Variants in MYO16 observed in about 807,000 individuals in gnomAD.
MYO16 encodes the protein unconventional myosin-XVI.
A neutral mutation model predicts 205.3 loss-of-function variants in MYO16; 94 were observed. That is an observed-to-expected ratio of 0.46 (90% CI 0.39 to 0.54). The LOEUF (loss-of-function observed/expected upper bound fraction) is 0.54, where lower values mean the gene tolerates loss of function less well. MYO16 is among the 20% of genes least tolerant of loss of function. MYO16 has a pLI of 0.00. For missense variants in MYO16, 2,315 were observed against 2,387.5 expected (o/e 0.97, Z 0.63); for synonymous variants, 988 against 954.0 (o/e 1.04, Z -0.66).
chr13:108,908,741 A>T (rs1733990932), intron 15 of MYO16, among the ~76,000 whole-genome samples: 1 of 152,050 alleles, frequency 6.6e-6, no homozygotes, highest in African/African-American at 2.4e-5. Flanking sequence ...TGGGAGGCCG[A>T]GGTGGGCAGA....
intron 18 of MYO16, among the ~76,000 whole-genome samples, chr13:108,962,016 A>G (rs1379695697): frequency 6.6e-6 from 1 of 152,216 alleles, no homozygotes; most frequent in Non-Finnish European, 1.5e-5. Flanking sequence ...TTCCCTTTCA[A>G]AGATCTTGCC....
rs562256644 is a variant in MYO16, at chr13:108,992,283, A to C, written c.2370-93A>C. 5.0e-6 allele frequency: 4 copies of C among 804,370 alleles called. No homozygotes were observed. The East Asian group carries it at 1.1e-4, about 22-fold the overall frequency. 49.8% of individuals were successfully genotyped at this position (804,370 alleles called of 1,614,324 possible). On this transcript the variant is annotated intron_variant, in intron 20 of 34. Transcript: ENST00000457511. ...AGTCCAAATTGGCAGCAATGTGCTA[A>C]GTGGCTGGATTCTTCTGACCTGAAT...
At chr13:108,858,989 C>T (rs532781400) in intron 11 of MYO16, among the ~76,000 whole-genome samples, 2 of 152,278 alleles carry the variant, frequency 1.3e-5, no homozygotes, top group South Asian at 4.1e-4. Context: ...TCCTCCCTCC[C>T]TTCAGGTCTT....
At chr13:108,678,749 G>A (rs1010191749) in intron 2 of MYO16, among the ~76,000 whole-genome samples, 6 of 152,054 alleles carry the variant, frequency 3.9e-5, no homozygotes, top group African/African-American at 1.2e-4. Flanking sequence ...AGTCTCCCAT[G>A]CAGGTTACTC....
intron 23 of MYO16, among the ~76,000 whole-genome samples, chr13:109,045,847 C>T (rs1566479044): frequency 6.6e-6 from 1 of 152,250 alleles, no homozygotes; most frequent in East Asian, 1.9e-4. Flanking sequence ...ATCCAGTCCT[C>T]TCTGGGCTCT....
intron 3 of MYO16, among the ~76,000 whole-genome samples, chr13:108,717,977 AATTTAATAATTTGGCT>A (rs1245114584): frequency 6.6e-6 from 1 of 152,196 alleles, no homozygotes; most frequent in African/African-American, 2.4e-5. Flanking sequence ...AATTTTGAAT[AATTTAATAATTTGGCT>A]ACTCAAACAA....
At chr13:109,087,447 A>G (rs2139682142) in intron 27 of MYO16, among the ~76,000 whole-genome samples, 1 of 152,346 alleles carries the variant, frequency 6.6e-6, no homozygotes, top group African/African-American at 2.4e-5. Flanking sequence ...GGAGTTTGAG[A>G]CCAGCCTGGC....
chr13:109,182,224 C>T (rs993197270), intron 34 of MYO16, among the ~76,000 whole-genome samples: 13 of 152,130 alleles, frequency 8.5e-5, no homozygotes, highest in African/African-American at 9.7e-5. Flanking sequence ...ATTTCAGTTT[C>T]GCACCTACCA....
chr13:109,051,620 T>A (rs1169436537), intron 24 of MYO16, among the ~76,000 whole-genome samples: 1 of 152,170 alleles, frequency 6.6e-6, no homozygotes, highest in East Asian at 1.9e-4. Context: ...CAAAATCCAC[T>A]CAACTGAGCT....
intron 3 of MYO16, among the ~76,000 whole-genome samples, chr13:108,718,189 T>G (rs1884023024): frequency 6.6e-6 from 1 of 152,134 alleles, no homozygotes; most frequent in South Asian, 2.1e-4. Flanking sequence ...ATCAGGATTC[T>G]AGAGAAAATG....
intron 2 of MYO16, among the ~76,000 whole-genome samples, 169 bp downstream of exon 2, chr13:108,666,318 A>G (rs1881728075): frequency 6.6e-6 from 1 of 152,188 alleles, no homozygotes; most frequent in Non-Finnish European, 1.5e-5. Context: ...GCTCTTTGCA[A>G]AGAACATCAT....
chr13:108,661,844 G>A (rs1881516540), intron 1 of MYO16, among the ~76,000 whole-genome samples: 1 of 151,942 alleles, frequency 6.6e-6, no homozygotes, highest in Non-Finnish European at 1.5e-5. Flanking sequence ...TGATTTTTTT[G>A]GGATGTTGAA....
chr13:109,008,258 G>A (rs866430772), intron 21 of MYO16, among the ~76,000 whole-genome samples: 28 of 152,320 alleles, frequency 1.8e-4, no homozygotes, highest in African/African-American at 6.5e-4. Context: ...CTGAAACTGT[G>A]TCATTGAACA....
intron 2 of MYO16, among the ~76,000 whole-genome samples, chr13:108,690,934 A>G (rs935823114): frequency 1.3e-5 from 2 of 152,160 alleles, no homozygotes; most frequent in African/African-American, 2.4e-5. Flanking sequence ...ATTGCTAAGG[A>G]TCATACCTAA....
intron 25 of MYO16, 108 bp downstream of exon 25, chr13:109,052,583 T>G: frequency 1.2e-6 from 1 of 827,932 alleles, no homozygotes; most frequent in Non-Finnish European, 1.8e-6. Flanking sequence ...AAATAGATAT[T>G]CTAATAGAAA....
chr13:109,055,343 C>G lies in MYO16; in HGVS notation c.3130-47C>G. On this transcript the variant is annotated intron_variant, in intron 26 of 34. Coordinates refer to ENST00000457511, the MANE Select transcript of MYO16 (RefSeq NM_001198950.3). This position sits in a 1 kb window ranked among gnomAD's most constrained non-coding sequence, Gnocchi z 5.0. ...TTTAAAAACTGCTTTATATTTTTAG[C>G]TAGTGTCTCCTTTGGAGAATCAGTT... 6.9e-7 allele frequency: 1 copy of G among 1,446,406 alleles called. No homozygotes were observed. Among genetic ancestry groups the G allele is most frequent in the Non-Finnish European group, 9.5e-7 (1 of 1,050,926 alleles). 89.6% of individuals were successfully genotyped at this position (1,446,406 alleles called of 1,614,324 possible). A position where few individuals can be genotyped will look rare whatever the true frequency, so the allele number is the denominator to read the frequency against.
At chr13:109,018,769 C>G (rs1414775317) in intron 22 of MYO16, among the ~76,000 whole-genome samples, 3 of 152,198 alleles carry the variant, frequency 2.0e-5, no homozygotes, top group Admixed American at 1.3e-4. Flanking sequence ...CGACCCCTTG[C>G]ACTTCCTGGG....
chr13:108,923,388 C>T (rs34604990), intron 16 of MYO16, among the ~76,000 whole-genome samples: 52,785 of 152,202 alleles, frequency 0.35, 9,852 homozygotes, highest in Admixed American at 0.45. Context: ...CTAGCAGTTA[C>T]TGACACTAGG....
At chr13:108,931,046 T>C (rs1882233880) in intron 16 of MYO16, among the ~76,000 whole-genome samples, 1 of 152,206 alleles carries the variant, frequency 6.6e-6, no homozygotes, top group Admixed American at 6.5e-5. Context: ...GAGAGGAGGA[T>C]GTCTGAATCG....
Sources: gnomAD v4.1 joint callset for allele counts (sites outside exome capture counted in the v4.1 genomes callset) on GRCh38, gnomAD v4.1.1 for gene constraint, Gnocchi (gnomAD v3.1) non-coding constraint, MANE v1.5 for transcripts, NCBI Gene and HGNC (gene_info 2026-07-23, HGNC 2026-07-21) for gene names.